KDM6A: variants seen among roughly 807,000 people sequenced by gnomAD.
KDM6A encodes lysine-specific demethylase 6A.
KDM6A carries 11 observed loss-of-function variants against 117.6 expected under a neutral mutation model. The ratio of observed to expected loss-of-function variants is 0.09; its 90% CI spans 0.06 to 0.15. The LOEUF (loss-of-function observed/expected upper bound fraction) is 0.15. Ranked by LOEUF, KDM6A falls within the 10% of genes least tolerant of loss-of-function variation. The pLI, the probability that KDM6A is intolerant of heterozygous loss-of-function variation, is 1.00. For missense variants in KDM6A, 799 were observed against 1,077.3 expected (o/e 0.74, Z 3.62); for synonymous variants, 384 against 396.1 (o/e 0.97, Z 0.36).
intron 2 of KDM6A, among the ~76,000 whole-genome samples, chrX:44,922,209 A>G (rs1356417539): frequency 9.7e-6 from 1 of 103,477 alleles, no homozygotes; most frequent in Non-Finnish European, 2.0e-5. Context: ...ATGCCCGGCT[A>G]ATTTTTGTGT....
At chrX:44,956,810 G>A (rs560037516) in intron 2 of KDM6A, among the ~76,000 whole-genome samples, 99 of 111,434 alleles carry the variant, frequency 8.9e-4, no homozygotes, top group African/African-American at 2.9e-3. Flanking sequence ...CAACCATTGT[G>A]TATGCGTATG....
chrX:44,910,933 A>G (rs1238551641), intron 2 of KDM6A, among the ~76,000 whole-genome samples: 1 of 112,330 alleles, frequency 8.9e-6, no homozygotes, highest in African/African-American at 3.2e-5. Context: ...TGATTTTTCC[A>G]TCCTTTCCCC....
At chrX:45,098,516 A>G (rs2046206055) in intron 27 of KDM6A, among the ~76,000 whole-genome samples, 1 of 112,978 alleles carries the variant, frequency 8.9e-6, no homozygotes, top group Non-Finnish European at 1.9e-5. Context: ...GAGATAAAGA[A>G]GAAATGAGTT....
intron 5 of KDM6A, among the ~76,000 whole-genome samples, chrX:45,015,952 G>T (rs2041943748): frequency 9.0e-6 from 1 of 111,339 alleles, no homozygotes; most frequent in East Asian, 2.8e-4. Flanking sequence ...TGGCTAGAGA[G>T]GAGAAAAGAA....
intron 5 of KDM6A, among the ~76,000 whole-genome samples, chrX:45,013,213 A>G (rs2041838860): frequency 8.9e-6 from 1 of 111,778 alleles, no homozygotes; most frequent in Non-Finnish European, 1.9e-5. Context: ...CTCCAATCAA[A>G]TATTTTATTG....
chrX:45,019,135 A>G (rs149202210), intron 5 of KDM6A, among the ~76,000 whole-genome samples: 4,214 of 110,913 alleles, frequency 0.038, 212 homozygotes, highest in African/African-American at 0.13. Flanking sequence ...GACTTGCCCC[A>G]ACCCCTAAGT....
chrX:45,066,081 A>G (rs1190609353), intron 17 of KDM6A, among the ~76,000 whole-genome samples: 1 of 112,070 alleles, frequency 8.9e-6, no homozygotes, highest in Non-Finnish European at 1.9e-5. Context: ...GTTGTAAAAA[A>G]AGAATAATAT....
chrX:45,109,252 C>A (rs1408330588), intron 28 of KDM6A, among the ~76,000 whole-genome samples: 4 of 109,208 alleles, frequency 3.7e-5, no homozygotes, highest in South Asian at 7.6e-4. Context: ...GGAAAGAATT[C>A]AAAAATATTT....
chrX:45,012,072 G>A (rs1300601061), intron 5 of KDM6A, among the ~76,000 whole-genome samples: 1 of 109,764 alleles, frequency 9.1e-6, no homozygotes, highest in Non-Finnish European at 1.9e-5. Flanking sequence ...ACAGGCATGA[G>A]CCCCCACGCT....
At chrX:44,902,234 A>T (rs1252994814) in intron 2 of KDM6A, among the ~76,000 whole-genome samples, 2 of 111,062 alleles carry the variant, frequency 1.8e-5, no homozygotes, top group East Asian at 5.7e-4. Context: ...ATCTCAAAAA[A>T]ACAAAAATGA....
chrX:44,881,844 C>T (rs777632971), intron 2 of KDM6A, among the ~76,000 whole-genome samples: 1 of 110,138 alleles, frequency 9.1e-6, no homozygotes, highest in African/African-American at 3.3e-5. Context: ...TGCACCACCA[C>T]GCCTAGCTAA....
At chrX:44,903,572 G>T (rs2034485055) in intron 2 of KDM6A, among the ~76,000 whole-genome samples, 1 of 110,207 alleles carries the variant, frequency 9.1e-6, no homozygotes, top group Non-Finnish European at 1.9e-5. Flanking sequence ...GCATGTTTTG[G>T]TAAACTTCAT....
At position 45,020,745 on chromosome X, in the gene KDM6A, T is replaced by C. The variant is rs746548109; in HGVS notation, c.564+15T>C. 1.0e-5 allele frequency: 12 copies of C among 1,204,039 alleles called. No homozygotes were observed. In the Admixed American group the frequency reaches 1.8e-4, roughly 18 times the overall value. On this transcript the variant is annotated intron_variant, in intron 6 of 29. Transcript: ENST00000611820. ...CTAGTTTAAAGGTAGGTTGTTGGGT[T>C]TTTTCAAGATACAATGTTTAATTTT...
chrX:44,991,765 C>T (rs1476649557), intron 4 of KDM6A, among the ~76,000 whole-genome samples: 3 of 111,687 alleles, frequency 2.7e-5, no homozygotes, highest in Non-Finnish European at 5.6e-5. Flanking sequence ...CAGTTTACTG[C>T]AATCTCTGCC....
intron 18 of KDM6A, 107 bp downstream of exon 18, chrX:45,070,464 T>C: frequency 1.4e-6 from 1 of 693,253 alleles, no homozygotes; most frequent in Admixed American, 2.6e-5. Context: ...AAAGATGGTG[T>C]AGTCATTCAT....
intron 8 of KDM6A, among the ~76,000 whole-genome samples, chrX:45,039,477 C>T (rs1327123293): frequency 1.9e-5 from 2 of 106,141 alleles, no homozygotes; most frequent in African/African-American, 6.9e-5. Context: ...GGGCACAGGG[C>T]CCTCCTCCCA....
At position 44,873,687 on chromosome X, in the gene KDM6A, A is replaced by T. The variant is rs1215951155; in HGVS notation, c.136A>T (p.Arg46Trp). ...EASPSLTAEE[R>W]EALGGLDSRL... Reference sequence around the variant, plus strand: ...GTCCCCCAGCCTGACAGCCGAGGAGAGGGAGGCGCTCGGCGGACTGGACAG... The same window carrying T: ...GTCCCCCAGCCTGACAGCCGAGGAGTGGGAGGCGCTCGGCGGACTGGACAG... Residue 46 changes from arginine (R) to tryptophan (W), a missense_variant, in exon 1 of 30, where the codon AGG (arginine) becomes TGG (tryptophan). This residue lies in a region of KDM6A where 89 missense variants were observed against 117.8 expected (regional missense o/e 0.76). Coordinates refer to ENST00000611820, the MANE Select transcript of KDM6A (RefSeq NM_001291415.2). 1.7e-6 allele frequency: 2 copies of T among 1,177,444 alleles called. No individual in the cohort carries two copies. The highest frequency in any genetic ancestry group is 1.9e-5 in the South Asian group (1 of 53,688).
intron 18 of KDM6A, among the ~76,000 whole-genome samples, chrX:45,074,922 A>G (rs919158949): frequency 2.7e-5 from 3 of 111,941 alleles, no homozygotes; most frequent in African/African-American, 9.7e-5. Context: ...CTAATCTGTC[A>G]AACCTTGTTT....
At chrX:44,930,954 T>A (rs5952273) in intron 2 of KDM6A, among the ~76,000 whole-genome samples, 1 of 111,277 alleles carries the variant, frequency 9.0e-6, no homozygotes, top group African/African-American at 3.3e-5. Flanking sequence ...ATCCCTCCCC[T>A]CCTTCATGTT....
Sources: gnomAD v4.1 joint callset for allele counts (sites outside exome capture counted in the v4.1 genomes callset) on GRCh38, gnomAD v4.1.1 for gene constraint, gnomAD v4.1.1 regional missense constraint, MANE v1.5 for transcripts, NCBI Gene and HGNC (gene_info 2026-07-23, HGNC 2026-07-21) for gene names.